Variants in LTBP1 observed in about 807,000 individuals in gnomAD.
The protein encoded by LTBP1 is latent transforming growth factor beta binding protein 1.
A neutral mutation model predicts 207.6 loss-of-function variants in LTBP1; 129 were observed. That is an observed-to-expected ratio of 0.62 (90% CI 0.54 to 0.72). The LOEUF (loss-of-function observed/expected upper bound fraction) is 0.72, where lower values mean the gene tolerates loss of function less well. Ranked by LOEUF, LTBP1 falls within the 30% of genes least tolerant of loss-of-function variation. The probability of loss-of-function intolerance (pLI) is 0.00; values close to 1 mark genes in which losing one functional copy is unlikely to be tolerated. For missense variants in LTBP1, 2,281 were observed against 2,217.2 expected, an observed-to-expected ratio of 1.03 and a Z score of -0.58; for synonymous variants, 963 against 833.7, an observed-to-expected ratio of 1.16 and a Z score of -2.67.
chr2:33,383,174 T>C (rs1449292449), intron 31 of LTBP1, among the ~76,000 whole-genome samples: 1 of 152,168 alleles, frequency 6.6e-6, no homozygotes, highest in Non-Finnish European at 1.5e-5. Context: ...GCCAACATAC[T>C]GAAACCCCGT....
chr2:33,284,483 C>G (rs1161406853), intron 19 of LTBP1, among the ~76,000 whole-genome samples: 2 of 152,154 alleles, frequency 1.3e-5, no homozygotes, highest in African/African-American at 4.8e-5. Flanking sequence ...GCACTGTATT[C>G]CTTGGACCTG....
intron 4 of LTBP1, among the ~76,000 whole-genome samples, chr2:33,118,502 A>G (rs978069940): frequency 5.3e-5 from 8 of 152,192 alleles, no homozygotes; most frequent in African/African-American, 1.7e-4. Flanking sequence ...TCCCAACTGT[A>G]TGATCATGTG....
At chr2:33,228,717 T>TTTTTTTTTTTTTTTG (rs1553461062) in intron 9 of LTBP1, among the ~76,000 whole-genome samples, 1 of 144,192 alleles carries the variant, frequency 6.9e-6, no homozygotes, top group Non-Finnish European at 1.5e-5. Context: ...TTTTTTTTTT[T>TTTTTTTTTTTTTTTG]TGAGATGGAG....
intron 8 of LTBP1, among the ~76,000 whole-genome samples, chr2:33,221,718 A>G (rs2091119203): frequency 6.6e-6 from 1 of 152,198 alleles, no homozygotes; most frequent in Admixed American, 6.5e-5. Context: ...GACGTGTAGT[A>G]ACCCTACCTA....
intron 5 of LTBP1, among the ~76,000 whole-genome samples, chr2:33,152,597 C>T (rs748276129): frequency 5.3e-5 from 8 of 152,008 alleles, no homozygotes; most frequent in South Asian, 2.1e-4. Flanking sequence ...AGTCATTATA[C>T]GAAAAAAGAT....
intron 3 of LTBP1, among the ~76,000 whole-genome samples, chr2:33,031,790 C>G (rs1169943531): frequency 6.6e-6 from 1 of 152,128 alleles, no homozygotes; most frequent in African/African-American, 2.4e-5. Flanking sequence ...TTATGGAAAG[C>G]CTTGACAGTC....
intron 27 of LTBP1, 55 bp downstream of exon 27, chr2:33,360,834 T>G (rs2094919827): frequency 2.0e-6 from 3 of 1,530,302 alleles, no homozygotes; most frequent in Non-Finnish European, 2.7e-6. Context: ...ATGGTGTCCC[T>G]GGGCCTTGAA....
intron 3 of LTBP1, among the ~76,000 whole-genome samples, chr2:33,085,648 G>T (rs1292275420): frequency 1.3e-5 from 2 of 152,070 alleles, no homozygotes; most frequent in East Asian, 3.8e-4. Flanking sequence ...CTCTTTTTAT[G>T]GATGCAACAC....
intron 24 of LTBP1, among the ~76,000 whole-genome samples, chr2:33,330,981 A>G (rs966095046): frequency 6.6e-6 from 1 of 151,838 alleles, no homozygotes; most frequent in East Asian, 1.9e-4. Context: ...TTGACTTTTC[A>G]TGTCAGTTTC....
At chr2:33,389,337 T>C (rs1385317407) in intron 32 of LTBP1, 31 bp downstream of exon 32, 2 of 1,612,148 alleles carry the variant, frequency 1.2e-6, no homozygotes, top group African/African-American at 2.7e-5. Flanking sequence ...CCTTTGATAC[T>C]AAGTTGTGGT....
intron 8 of LTBP1, among the ~76,000 whole-genome samples, chr2:33,220,455 T>TA (rs2091029072): frequency 6.6e-6 from 1 of 152,234 alleles, no homozygotes; most frequent in African/African-American, 2.4e-5. Flanking sequence ...TTTTTTGCTG[T>TA]GAATACTTAA....
At chr2:33,327,943 C>G (rs755019016) in intron 24 of LTBP1, among the ~76,000 whole-genome samples, 1 of 151,780 alleles carries the variant, frequency 6.6e-6, no homozygotes, top group Non-Finnish European at 1.5e-5. Flanking sequence ...CGAGACCACC[C>G]TGACCAACAT....
At chr2:33,159,639 C>T (rs958966266) in intron 5 of LTBP1, among the ~76,000 whole-genome samples, 1 of 152,174 alleles carries the variant, frequency 6.6e-6, no homozygotes, top group Non-Finnish European at 1.5e-5. Flanking sequence ...CCCATTTAGG[C>T]TTCTTTAGTT....
intron 24 of LTBP1, among the ~76,000 whole-genome samples, chr2:33,324,313 A>T (rs2094397453): frequency 6.6e-6 from 1 of 152,038 alleles, no homozygotes; most frequent in African/African-American, 2.4e-5. Flanking sequence ...ATTATAATAT[A>T]ATCACAGTAT....
chr2:33,223,650 A>G (rs1301771345), intron 9 of LTBP1, among the ~76,000 whole-genome samples: 1 of 152,242 alleles, frequency 6.6e-6, no homozygotes, highest in East Asian at 1.9e-4. Context: ...AAAAGTCTAT[A>G]GCCTTAGCAC....
chr2:33,136,154 G>A (rs145458520), intron 5 of LTBP1, among the ~76,000 whole-genome samples: 1 of 152,288 alleles, frequency 6.6e-6, no homozygotes, highest in African/African-American at 2.4e-5. Flanking sequence ...CCATAGATAC[G>A]ATTTAAAAGG....
intron 5 of LTBP1, among the ~76,000 whole-genome samples, chr2:33,177,310 G>A (rs945728381): frequency 6.6e-6 from 1 of 152,134 alleles, no homozygotes; most frequent in Non-Finnish European, 1.5e-5. Flanking sequence ...ATAAAACTTT[G>A]TGCTTGTGGA....
At chr2:32,964,616 G>A (rs1043849982) in intron 2 of LTBP1, among the ~76,000 whole-genome samples, 5 of 151,806 alleles carry the variant, frequency 3.3e-5, no homozygotes, top group Non-Finnish European at 7.4e-5. Context: ...GCATCCAAAT[G>A]TTTAAATATC....
Position 33,318,982 on chromosome 2 carries a change from C to T in LTBP1, c.3730+3713C>T, listed in dbSNP as rs181134497. On this transcript the variant is annotated intron_variant, in intron 24 of 33. Transcript: ENST00000404816. ...GGACATGGTAGCTCATGTCTATAGT[C>T]CCAGCTACTCAGGGGACTGAGACGG... is the stretch of plus-strand genomic sequence containing the variant. Among the ~76,000 whole-genome samples, 6 of 152,122 alleles carry T rather than the reference C, an allele frequency of 3.9e-5. No homozygotes were observed. The East Asian group carries it at 9.7e-4, about 25-fold the overall frequency.
Sources: allele counts gnomAD v4.1 joint callset (sites outside exome capture counted in the v4.1 genomes callset), GRCh38; gene constraint gnomAD v4.1.1; transcripts MANE v1.5; gene names NCBI Gene and HGNC (gene_info 2026-07-23, HGNC 2026-07-21).